Variants in BCL9 observed in about 807,000 individuals in gnomAD.
BCL9 encodes the protein BCL9 transcription coactivator.
Under a neutral mutation model 88.5 loss-of-function variants are expected in BCL9, and 25 were observed. That is an observed-to-expected ratio of 0.28 (90% CI 0.21 to 0.39). The LOEUF (loss-of-function observed/expected upper bound fraction) is 0.39. Among genes scored for constraint, BCL9 ranks in the 10% least tolerant of loss-of-function variants. The pLI is 1.00. For missense variants in BCL9, 1,817 were observed against 1,877.8 expected, an observed-to-expected ratio of 0.97 and a Z score of 0.60; for synonymous variants, 711 against 673.3, an observed-to-expected ratio of 1.06 and a Z score of -0.87.
chr1:147,598,019 C>G (rs1450903634), intron 1 of BCL9, among the ~76,000 whole-genome samples: 5 of 152,156 alleles, frequency 3.3e-5, no homozygotes, highest in African/African-American at 1.2e-4. Context: ...GGGATTCCCC[C>G]CAGGCCAGAG....
At chr1:147,570,968 AT>A (rs1228375981) in intron 1 of BCL9, among the ~76,000 whole-genome samples, 1 of 141,782 alleles carries the variant, frequency 7.1e-6, no homozygotes, top group Non-Finnish European at 1.6e-5. Flanking sequence ...TTTTCCTTTT[AT>A]TTTTTTTGAG....
At chr1:147,542,494 C>G (rs1654378716) in intron 1 of BCL9, among the ~76,000 whole-genome samples, 1 of 152,126 alleles carries the variant, frequency 6.6e-6, no homozygotes, top group African/African-American at 2.4e-5. Flanking sequence ...AAATCGTCAG[C>G]TAGAGATGCT....
chr1:147,591,226 TA>T (rs1216209754), intron 1 of BCL9, among the ~76,000 whole-genome samples: 2 of 152,054 alleles, frequency 1.3e-5, no homozygotes, highest in African/African-American at 4.8e-5. Flanking sequence ...TGTAGCTTTT[TA>T]AAAAAAATAA....
At chr1:147,562,232 G>A (rs1451065419) in intron 1 of BCL9, among the ~76,000 whole-genome samples, 1 of 152,166 alleles carries the variant, frequency 6.6e-6, no homozygotes, top group Non-Finnish European at 1.5e-5. Context: ...GGAAGGCTGA[G>A]GCAGGAGACT....
chr1:147,592,300 T>C (rs868934785), intron 1 of BCL9, among the ~76,000 whole-genome samples: 5 of 152,232 alleles, frequency 3.3e-5, no homozygotes, highest in Middle Eastern at 3.2e-3. Context: ...CTTCTTGGCA[T>C]CTCTCGCCAA....
chr1:147,618,981 C>A lies in BCL9; in HGVS notation c.826C>A (p.Arg276=). 1 of 1,612,870 alleles carries A rather than the reference C, an allele frequency of 6.2e-7. No homozygotes were observed. The highest frequency in any genetic ancestry group is 8.5e-7 in the Non-Finnish European group (1 of 1,179,338). ...KPAAPPRPLD[R]ESPGVENKLI... ...TGCCGCACCCCCACGTCCCCTGGACCGGGAGAGTCCTGGGGTAGAAAACAA... is the reference window on the plus strand; with the variant it reads ...TGCCGCACCCCCACGTCCCCTGGACAGGGAGAGTCCTGGGGTAGAAAACAA... Residue 276 remains arginine (R), a synonymous_variant, in exon 8 of 10, where the codon CGG becomes AGG. Transcript: ENST00000234739.
Position 147,620,661 on chromosome 1 carries a change from C to T in BCL9, c.2506C>T (p.Pro836Ser). 1 of 1,614,114 alleles carries T rather than the reference C, an allele frequency of 6.2e-7. No individual in the cohort carries two copies. The highest frequency in any genetic ancestry group is 8.5e-7 in the Non-Finnish European group (1 of 1,180,020). ...CCCCACCAGCCTCAACACAGCTCCTCCAGTTCAGCGCGGCCTGGGGCGGAA... is the reference window on the plus strand; with the variant it reads ...CCCCACCAGCCTCAACACAGCTCCTTCAGTTCAGCGCGGCCTGGGGCGGAA... ...SNPTSLNTAP[P>S]VQRGLGRKPL... The change falls in exon 8 of 10, where the codon CCA (proline) becomes TCA (serine). Residue 836 changes from proline to serine, a missense_variant. By Grantham distance (74) the Pro-to-Ser change is moderately conservative. Around this residue, in one of 2 missense-constraint regions of BCL9, gnomAD observed 1,228 missense variants for 1,191.6 expected, o/e 1.03. Coordinates refer to ENST00000234739, the MANE Select transcript of BCL9 (RefSeq NM_004326.4).
intron 1 of BCL9, among the ~76,000 whole-genome samples, chr1:147,554,295 AACAG>A (rs587720392): frequency 5.6e-4 from 86 of 152,384 alleles, no homozygotes; most frequent in Non-Finnish European, 1.0e-3. Context: ...AGGGAAGAAC[AACAG>A]ACAGTCTCAA....
At chr1:147,608,032 GGC>G (rs1553202192) in intron 3 of BCL9, among the ~76,000 whole-genome samples, 1 of 152,120 alleles carries the variant, frequency 6.6e-6, no homozygotes, top group African/African-American at 2.4e-5. Context: ...AGATAAAGAA[GGC>G]CTGGAGAGGT....
chr1:147,617,340 GT>G (rs1553203999), intron 7 of BCL9, among the ~76,000 whole-genome samples: 3 of 152,142 alleles, frequency 2.0e-5, no homozygotes, highest in African/African-American at 7.2e-5. Context: ...ACATCTAAAT[GT>G]TTTCTGACGT....
At chr1:147,607,284 C>T (rs1657767799) in intron 3 of BCL9, among the ~76,000 whole-genome samples, 1 of 152,156 alleles carries the variant, frequency 6.6e-6, no homozygotes, top group Non-Finnish European at 1.5e-5. Context: ...AATAATGCTG[C>T]AGTGAACATG....
chr1:147,593,013 G>T (rs1656911052), intron 1 of BCL9, among the ~76,000 whole-genome samples: 1 of 152,154 alleles, frequency 6.6e-6, no homozygotes, highest in Non-Finnish European at 1.5e-5. Flanking sequence ...CCCCTTGTAA[G>T]CATTCTGGAA....
At chr1:147,610,480 T>C (rs887957320) in intron 3 of BCL9, among the ~76,000 whole-genome samples, 5 of 152,226 alleles carry the variant, frequency 3.3e-5, no homozygotes, top group African/African-American at 4.8e-5. Flanking sequence ...TAGGATATAA[T>C]TGATCCTCCC....
At chr1:147,543,352 GTT>G (rs1553193983) in intron 1 of BCL9, among the ~76,000 whole-genome samples, 1 of 152,164 alleles carries the variant, frequency 6.6e-6, no homozygotes, top group Non-Finnish European at 1.5e-5. Context: ...AACTGCAAAT[GTT>G]TATCAGACTG....
In BCL9 at chr1:147,622,383, A is replaced by C. The variant is rs782633836; in HGVS notation, c.3015A>C (p.Pro1005=). 6.2e-7 allele frequency: 1 copy of C among 1,613,294 alleles called. No individual in the cohort carries two copies. The highest frequency in any genetic ancestry group is 8.5e-7 in the Non-Finnish European group (1 of 1,179,840). ...CAGAGCCAACCCTTTCCCAGAACCC[A>C]CTCTCTATTATGATGTCTCGAATGT... ...MPPEPTLSQN[P]LSIMMSRMSK... Residue 1005 remains proline, a synonymous_variant, in exon 9 of 10, where the codon CCA becomes CCC. Transcript: ENST00000234739.
At chr1:147,573,554 G>C (rs1295825189) in intron 1 of BCL9, among the ~76,000 whole-genome samples, 2 of 152,202 alleles carry the variant, frequency 1.3e-5, no homozygotes, top group Non-Finnish European at 2.9e-5. Flanking sequence ...GACAGTGATT[G>C]AGAGGATAGG....
chr1:147,605,943 A>C (rs1346489507), intron 2 of BCL9, among the ~76,000 whole-genome samples: 2 of 152,236 alleles, frequency 1.3e-5, no homozygotes, highest in Non-Finnish European at 2.9e-5. Context: ...AATTGGAATC[A>C]TAGAGGTGAT....
intron 1 of BCL9, among the ~76,000 whole-genome samples, chr1:147,557,501 AGTGACTGGT>A (rs1553195581): frequency 1.3e-5 from 2 of 152,196 alleles, no homozygotes; most frequent in African/African-American, 4.8e-5. Context: ...ATCTGTGGTA[AGTGACTGGT>A]TTGGAAGATA....
intron 3 of BCL9, among the ~76,000 whole-genome samples, chr1:147,607,116 C>G (rs1553202097): frequency 6.6e-6 from 1 of 152,176 alleles, no homozygotes; most frequent in African/African-American, 2.4e-5. Flanking sequence ...GCTCATTTCA[C>G]TTAACATACT....
Sources: gnomAD v4.1 joint callset for allele counts (sites outside exome capture counted in the v4.1 genomes callset) on GRCh38, gnomAD v4.1.1 for gene constraint, gnomAD v4.1.1 regional missense constraint, MANE v1.5 for transcripts, NCBI Gene and HGNC (gene_info 2026-07-23, HGNC 2026-07-21) for gene names.